The following FZD3 variants were observed in gnomAD, a reference collection of about 807,000 sequenced individuals.
FZD3 encodes frizzled-3.
A neutral mutation model predicts 60.7 loss-of-function variants in FZD3; 30 were observed. The observed-to-expected ratio is 0.49, with a 90% CI of 0.37 to 0.67. The LOEUF is 0.67. FZD3 is among the 30% of genes least tolerant of loss of function. FZD3 has a pLI of 0.00. For missense variants in FZD3, 605 were observed against 838.7 expected (o/e 0.72, Z 3.44); for synonymous variants, 246 against 275.2 (o/e 0.89, Z 1.05).
rs1192995271 is a variant in FZD3, at chr8:28,503,183, C to T, written c.170C>T (p.Thr57Ile). The T allele has an allele frequency of 6.2e-7, 1 of 1,612,380 alleles. No individual in the cohort carries two copies. Residue 57 changes from threonine (T) to isoleucine (I), a missense_variant, in exon 3 of 8, where the codon ACA becomes ATA. Physicochemically the swap from Thr to Ile is moderately conservative, Grantham distance 89. Coordinates refer to ENST00000240093, the MANE Select transcript of FZD3 (RefSeq NM_017412.4). ...PNLLNHYDQQ[T>I]AALAMEPFHP... ...CTTCTGAATCATTATGACCAACAGA[C>T]AGCAGCTTTGGCAATGGAGGTAAGA... is the stretch of plus-strand genomic sequence containing the variant.
chr8:28,509,726 C>A (rs1371031546), intron 3 of FZD3, among the ~76,000 whole-genome samples: 1 of 152,152 alleles, frequency 6.6e-6, no homozygotes, highest in Non-Finnish European at 1.5e-5. Flanking sequence ...TTTTATTTAG[C>A]ATAACGTCCT....
At chr8:28,494,749 T>A (rs925039835) in intron 1 of FZD3, among the ~76,000 whole-genome samples, 4 of 151,854 alleles carry the variant, frequency 2.6e-5, no homozygotes, top group African/African-American at 4.8e-5. Context: ...GCTCAGACCC[T>A]GCGCGGCGGA....
chr8:28,513,586 T>A (rs1201311143), intron 3 of FZD3, among the ~76,000 whole-genome samples: 1 of 152,230 alleles, frequency 6.6e-6, no homozygotes, highest in African/African-American at 2.4e-5. Flanking sequence ...AGTTTGGACC[T>A]TTTCTCATTA....
At position 28,532,350 on chromosome 8, in the gene FZD3, A is replaced by G. The variant is rs148657608; in HGVS notation, c.1404+4186A>G. Among the ~76,000 whole-genome samples, 775 of 152,284 alleles carry G rather than the reference A, an allele frequency of 5.1e-3. 4 individuals carry two copies. Among genetic ancestry groups the G allele is most frequent in the African/African-American group, 0.016 (647 of 41,564 alleles). ...TCTGGGGAACATTGCCATTTTTGCA[A>G]TACTGAGTTTTAATAGCTTATTTAC... On this transcript the variant is annotated intron_variant, in intron 5 of 7. Transcript: ENST00000240093.
At position 28,564,896 on chromosome 8, in the gene FZD3, G is replaced by A. The variant is rs1805680195; in HGVS notation, c.*1885G>A. ...ATACGTACTCTACCTACCTCACAAA[G>A]CTGTCAGATTAAGATCAAGTGAAAA... is the stretch of plus-strand genomic sequence containing the variant. On this transcript the variant is annotated 3_prime_UTR_variant, in exon 8 of 8. Coordinates refer to ENST00000240093, the MANE Select transcript of FZD3 (RefSeq NM_017412.4). 1 of 152,106 alleles carries A rather than the reference G, an allele frequency of 6.6e-6. No homozygotes were observed. Among genetic ancestry groups the A allele is most frequent in the African/African-American group, 2.4e-5 (1 of 41,416 alleles). 9.4% of individuals were successfully genotyped at this position (152,106 alleles called of 1,614,324 possible).
At chr8:28,512,015 C>G (rs1160288633) in intron 3 of FZD3, among the ~76,000 whole-genome samples, 2 of 152,186 alleles carry the variant, frequency 1.3e-5, no homozygotes, top group African/African-American at 4.8e-5. Context: ...AGCTCTTAAT[C>G]TCCTAGGGTT....
At chr8:28,503,946 CG>C (rs1804068887) in intron 3 of FZD3, among the ~76,000 whole-genome samples, 1 of 152,220 alleles carries the variant, frequency 6.6e-6, no homozygotes, top group East Asian at 1.9e-4. Flanking sequence ...TAGTACTTGG[CG>C]CATAGTAAGT....
Position 28,520,725 on chromosome 8 carries a change from G to A in FZD3, c.277G>A (p.Gly93Arg), listed in dbSNP as rs1317557878. The A allele has an allele frequency of 6.2e-7, 1 of 1,612,574 alleles. No homozygotes were observed. The highest frequency in any genetic ancestry group is 1.7e-5 in the Admixed American group (1 of 59,924). Residue 93 changes from glycine (G) to arginine (R), a missense_variant, in exon 4 of 8, where the codon GGA becomes AGA. Gly to Arg is a moderately radical substitution (Grantham distance 125). Coordinates refer to ENST00000240093, the MANE Select transcript of FZD3 (RefSeq NM_017412.4). ...ALYAPICMEYGRVTLPCRRLC... is the reference protein window; with the variant it reads ...ALYAPICMEYRRVTLPCRRLC... Reference sequence around the variant, plus strand: ...CTACGCTCCTATTTGTATGGAATATGGACGTGTCACACTTCCCTGTCGTAG... The same window carrying A: ...CTACGCTCCTATTTGTATGGAATATAGACGTGTCACACTTCCCTGTCGTAG...
At chr8:28,555,712 C>A in intron 6 of FZD3, 26 bp from the exon 7 acceptor site, 2 of 1,309,636 alleles carry the variant, frequency 1.5e-6, no homozygotes, top group African/African-American at 1.4e-5. Context: ...TGGTATGTAT[C>A]TTAAACTTAC....
chr8:28,520,301 G>A (rs1246012152), intron 3 of FZD3, among the ~76,000 whole-genome samples: 1 of 151,512 alleles, frequency 6.6e-6, no homozygotes, highest in African/African-American at 2.4e-5. Flanking sequence ...CACCAATCTA[G>A]TCACACTTTT....
At chr8:28,555,634 C>G in intron 6 of FZD3, 104 bp from the exon 7 acceptor site, 1 of 713,370 alleles carries the variant, frequency 1.4e-6, no homozygotes, top group East Asian at 2.5e-5. Context: ...TCTAATTTGG[C>G]AAGCAATTAA....
chr8:28,550,441 T>G (rs1312616922), intron 5 of FZD3, among the ~76,000 whole-genome samples: 9 of 144,346 alleles, frequency 6.2e-5, no homozygotes, highest in African/African-American at 2.3e-4. Context: ...TCTGCTGTTT[T>G]TTTTTTTTTG....
intron 5 of FZD3, among the ~76,000 whole-genome samples, chr8:28,546,780 C>T (rs1299611474): frequency 6.6e-6 from 1 of 152,080 alleles, no homozygotes; most frequent in Admixed American, 6.5e-5. Context: ...TCGAGACCAT[C>T]CTGGCTAACA....
At position 28,555,755 on chromosome 8, in the gene FZD3, G is replaced by C; in HGVS notation, c.1571G>C (p.Arg524Pro). Residue 524 changes from arginine (R) to proline (P), a missense_variant, in exon 7 of 8, where the codon CGA (arginine) becomes CCA (proline). By Grantham distance (103) the Arg-to-Pro change is moderately radical. Transcript: ENST00000240093. Reference protein sequence around the residue: ...RRKKEIVNESRQVLQEPDFAQ... With the variant: ...RRKKEIVNESPQVLQEPDFAQ... ...TTGTCTAGGATAGTGAATGAGAGCC[G>C]ACAGGTACTCCAGGAACCTGATTTT... 1 of 1,606,724 alleles carries C rather than the reference G, an allele frequency of 6.2e-7. No individual in the cohort carries two copies.
intron 7 of FZD3, among the ~76,000 whole-genome samples, chr8:28,559,240 A>G (rs1414692185): frequency 6.6e-6 from 1 of 152,226 alleles, no homozygotes; most frequent in Admixed American, 6.5e-5. Context: ...ATTGTGAGCT[A>G]GAATCCCTTG....
At chr8:28,546,272 G>A (rs1452184881) in intron 5 of FZD3, among the ~76,000 whole-genome samples, 3 of 152,148 alleles carry the variant, frequency 2.0e-5, no homozygotes, top group Non-Finnish European at 2.9e-5. Context: ...GCTGGCTCTC[G>A]GGCCCATAAG....
At position 28,535,651 on chromosome 8, in the gene FZD3, T is replaced by TG. The variant is rs1337726047; in HGVS notation, c.1404+7488dup. On this transcript the variant is annotated intron_variant, in intron 5 of 7. Coordinates refer to ENST00000240093, the MANE Select transcript of FZD3 (RefSeq NM_017412.4). The stretch of plus-strand genomic sequence containing the variant: ...TTAAATAATACTTGAAAAGTAGTAT[T>TG]GAATGCCTAAATTCTGAATTAATTA... Among the ~76,000 whole-genome samples the TG allele has an allele frequency of 5.3e-5, 8 of 152,316 alleles. No homozygotes were observed. The East Asian group carries it at 1.3e-3, about 26-fold the overall frequency.
intron 1 of FZD3, among the ~76,000 whole-genome samples, chr8:28,495,971 A>G (rs926042930): frequency 1.3e-5 from 2 of 151,704 alleles, no homozygotes. Flanking sequence ...CTCTATCTCC[A>G]TCTCTCCTAA....
intron 3 of FZD3, among the ~76,000 whole-genome samples, chr8:28,514,637 G>A (rs11781193): frequency 0.52 from 78,979 of 152,018 alleles, 21,259 homozygotes; most frequent in South Asian, 0.63. Flanking sequence ...GAATCATGCC[G>A]TATCTACTTC....
Sources: allele counts gnomAD v4.1 joint callset (sites outside exome capture counted in the v4.1 genomes callset), GRCh38; gene constraint gnomAD v4.1.1; transcripts MANE v1.5; gene names NCBI Gene and HGNC (gene_info 2026-07-23, HGNC 2026-07-21).